Variants in PCGF3 observed in about 807,000 individuals in gnomAD.
PCGF3 encodes the protein polycomb group RING finger protein 3.
PCGF3 carries 7 observed loss-of-function variants against 33.1 expected under a neutral mutation model. The ratio of observed to expected loss-of-function variants is 0.21; its 90% CI spans 0.12 to 0.40. The LOEUF is 0.40. Among genes scored for constraint, PCGF3 ranks in the 10% least tolerant of loss-of-function variants. The pLI, the probability that PCGF3 is intolerant of heterozygous loss-of-function variation, is 1.00. For missense variants in PCGF3, 211 were observed against 313.3 expected (o/e 0.67, Z 2.46); for synonymous variants, 153 against 121.3 (o/e 1.26, Z -1.72).
intron 1 of PCGF3, among the ~76,000 whole-genome samples, chr4:719,982 A>G (rs775097063): frequency 6.6e-6 from 1 of 152,144 alleles, no homozygotes; most frequent in South Asian, 2.1e-4. Context: ...GTGAACAGCT[A>G]ATGTTGGGCT....
In PCGF3 at chr4:732,834, C is replaced by T. The variant is rs74512988; in HGVS notation, c.-9-838C>T. Reference sequence around the variant, plus strand: ...GGTGCACCTGGCCACCCTGAGTCCCCACCAGCCTCCGCACGCGGAGCGGCC... The same window carrying T: ...GGTGCACCTGGCCACCCTGAGTCCCTACCAGCCTCCGCACGCGGAGCGGCC... On this transcript the variant is annotated intron_variant, in intron 3 of 10. Transcript: ENST00000362003. Among the ~76,000 whole-genome samples the T allele has an allele frequency of 1.2e-3, 181 of 152,358 alleles. 1 individual carries two copies. The highest frequency in any genetic ancestry group is 4.1e-3 in the African/African-American group (171 of 41,592).
intron 1 of PCGF3, among the ~76,000 whole-genome samples, chr4:727,233 CTTTTTTTTTTTT>C (rs57690550): frequency 1.3e-4 from 8 of 61,902 alleles, no homozygotes; most frequent in South Asian, 1.7e-3. Flanking sequence ...TAGCGAGCGT[CTTTTTTTTTTTT>C]TTTTTTTTTT....
At chr4:768,282 C>T (rs1745468516) in exon 11 of PCGF3, 1 of 152,650 alleles carries the variant, frequency 6.6e-6, no homozygotes. Context: ...CAGGACTCGG[C>T]CCTGGGGCCT....
intron 5 of PCGF3, 32 bp from the exon 6 acceptor site, chr4:737,434 C>T (rs769231199): frequency 6.8e-6 from 10 of 1,465,806 alleles, no homozygotes; most frequent in Admixed American, 3.4e-5. Flanking sequence ...TTAACATTTC[C>T]AGCTAACTCC....
chr4:766,046 G>A (rs369350517), exon 11 of PCGF3: 65 of 1,614,012 alleles, frequency 4.0e-5, no homozygotes, highest in Non-Finnish European at 5.0e-5. Flanking sequence ...CGCCGCTCCT[G>A]CTGCACTACA....
Position 736,325 on chromosome 4 carries a change from G to C in PCGF3, c.207-1141G>C, listed in dbSNP as rs974443763. On this transcript the variant is annotated intron_variant, in intron 5 of 10. Transcript: ENST00000362003. ...AGTCTCCCCAAATGCTAGGATTACA[G>C]GTGTGAGCCACCACACCCGGCCCTC... Among the ~76,000 whole-genome samples, 13 of 152,290 alleles carry C rather than the reference G, an allele frequency of 8.5e-5. 2 individuals are homozygous for C. The highest frequency in any genetic ancestry group is 6.5e-5 in the Admixed American group (1 of 15,306).
Position 720,585 on chromosome 4 carries a change from C to T in PCGF3, c.-189-10045C>T, listed in dbSNP as rs112488508. On this transcript the variant is annotated intron_variant, in intron 1 of 10. Transcript: ENST00000362003. The surrounding 1 kb of genome is among the most constrained non-coding windows in gnomAD (Gnocchi z 5.6). ...CGACGTGAACAGGACCCCACGTGGA[C>T]GGGCAGTGACGTGCGTGTGGACCCG... 1.0e-4 allele frequency among the ~76,000 whole-genome samples: 15 copies of T among 149,934 alleles called. No individual in the cohort carries two copies. Among genetic ancestry groups the T allele is most frequent in the Admixed American group, 2.7e-4 (4 of 15,072 alleles).
chr4:709,912 G>C (rs146795095), intron 1 of PCGF3, among the ~76,000 whole-genome samples: 1 of 152,152 alleles, frequency 6.6e-6, no homozygotes, highest in South Asian at 2.1e-4. Context: ...CTTCTGATTT[G>C]CTCTTTTGAC....
chr4:734,597 G>A, intron 4 of PCGF3: 1 of 1,174,374 alleles, frequency 8.5e-7, no homozygotes, highest in Non-Finnish European at 1.1e-6. Flanking sequence ...TTAGGACAAA[G>A]TATTGTAAAA....
intron 1 of PCGF3, among the ~76,000 whole-genome samples, chr4:729,208 A>G (rs559646278): frequency 2.4e-4 from 36 of 150,900 alleles, no homozygotes; most frequent in African/African-American, 8.5e-4. Flanking sequence ...TGACCCCAGT[A>G]GTTCACGGCC....
chr4:762,515 A>G (rs755878453), intron 9 of PCGF3: 1 of 152,328 alleles, frequency 6.6e-6, no homozygotes, highest in African/African-American at 2.4e-5. Flanking sequence ...GCCCTGCCCC[A>G]TGCACGGATT....
intron 8 of PCGF3, among the ~76,000 whole-genome samples, chr4:755,125 C>T (rs912624154): frequency 5.3e-5 from 8 of 152,210 alleles, no homozygotes; most frequent in East Asian, 1.9e-4. Flanking sequence ...CACACAGGCC[C>T]GCGTGGTGTC....
At chr4:710,281 G>A (rs936073105) in intron 1 of PCGF3, among the ~76,000 whole-genome samples, 8 of 152,250 alleles carry the variant, frequency 5.3e-5, no homozygotes, top group African/African-American at 1.7e-4. Context: ...GTGGGCTGGA[G>A]ACCTCAGTTC....
chr4:711,774 A>G (rs1357847626), intron 1 of PCGF3, among the ~76,000 whole-genome samples: 1 of 152,008 alleles, frequency 6.6e-6, no homozygotes, highest in Non-Finnish European at 1.5e-5. Flanking sequence ...TAATTTTTCT[A>G]CAGAATTAGG....
chr4:743,184 G>C (rs534643001), intron 6 of PCGF3, among the ~76,000 whole-genome samples: 1 of 152,346 alleles, frequency 6.6e-6, no homozygotes, highest in Admixed American at 6.5e-5. Context: ...CTGAGGTGGG[G>C]ATGACAGTCC....
At chr4:762,145 C>A in intron 9 of PCGF3, 1 of 930,528 alleles carries the variant, frequency 1.1e-6, no homozygotes, top group Non-Finnish European at 1.3e-6. Flanking sequence ...CATCCTAACC[C>A]CCAGAGCCTG....
chr4:761,956 G>C lies in PCGF3; in HGVS notation c.600+540G>C, dbSNP rs1034742916. Reference sequence around the variant, plus strand: ...CTGGCGGCTGTGGGCAGGAGCATGGGTCTGGTGTCGTTTTTGAAAATCGCT... The same window carrying C: ...CTGGCGGCTGTGGGCAGGAGCATGGCTCTGGTGTCGTTTTTGAAAATCGCT... On this transcript the variant is annotated intron_variant, in intron 9 of 10. Transcript: ENST00000362003. 5 of 985,286 alleles carry C rather than the reference G, an allele frequency of 5.1e-6. No homozygotes were observed. In the African/African-American group the frequency reaches 8.7e-5, roughly 17 times the overall value. 61.0% of individuals were successfully genotyped at this position (985,286 alleles called of 1,614,324 possible).
intron 8 of PCGF3, chr4:757,374 C>G (rs1378788893): frequency 6.6e-6 from 1 of 152,250 alleles, no homozygotes; most frequent in Non-Finnish European, 1.5e-5. Flanking sequence ...GCGTCCGCTG[C>G]TTATAGAGAC....
At chr4:739,481 C>T (rs762127005) in intron 6 of PCGF3, among the ~76,000 whole-genome samples, 25 of 152,240 alleles carry the variant, frequency 1.6e-4, no homozygotes, top group African/African-American at 3.1e-4. Context: ...TGTGAGCCCC[C>T]ACACCCAGCC....
Sources: allele counts gnomAD v4.1 joint callset (sites outside exome capture counted in the v4.1 genomes callset), GRCh38; gene constraint gnomAD v4.1.1; non-coding constraint Gnocchi (gnomAD v3.1); transcripts MANE v1.5; gene names NCBI Gene and HGNC (gene_info 2026-07-23, HGNC 2026-07-21).